Variants in RALYL observed in about 807,000 individuals in gnomAD.
RALYL encodes the protein RNA-binding Raly-like protein.
Under a neutral mutation model 35.1 loss-of-function variants are expected in RALYL, and 29 were observed. The observed-to-expected ratio is 0.83, with a 90% CI of 0.61 to 1.13. The LOEUF (loss-of-function observed/expected upper bound fraction) is 1.13. Ranked by LOEUF, RALYL falls within the 50% of genes most tolerant of loss-of-function variation. The pLI is 0.00. For missense variants in RALYL, 359 were observed against 360.4 expected (o/e 1.00, Z 0.03); for synonymous variants, 120 against 127.6 (o/e 0.94, Z 0.40).
intron 1 of RALYL, among the ~76,000 whole-genome samples, chr8:84,401,476 A>G (rs2042887818): frequency 6.6e-6 from 1 of 151,670 alleles, no homozygotes; most frequent in Non-Finnish European, 1.5e-5. Context: ...GTCTCTACTA[A>G]AAATACAAAA....
At chr8:84,673,235 A>G (rs1027810245) in intron 2 of RALYL, among the ~76,000 whole-genome samples, 5 of 152,168 alleles carry the variant, frequency 3.3e-5, no homozygotes, top group African/African-American at 4.8e-5. Flanking sequence ...TTTATTGTAA[A>G]TGTGTTTAAG....
At chr8:84,278,958 C>T (rs543550479) in intron 1 of RALYL, among the ~76,000 whole-genome samples, 1 of 152,304 alleles carries the variant, frequency 6.6e-6, no homozygotes, top group South Asian at 2.1e-4. Flanking sequence ...GCACCTCACT[C>T]CTGGTACCAA....
At chr8:84,547,806 T>C (rs114939691) in intron 2 of RALYL, among the ~76,000 whole-genome samples, 3 of 152,304 alleles carry the variant, frequency 2.0e-5, no homozygotes, top group African/African-American at 7.2e-5. Flanking sequence ...TTGATATCAT[T>C]TTTGAGAGTT....
At chr8:84,561,880 A>G (rs759532405) in intron 2 of RALYL, among the ~76,000 whole-genome samples, 2 of 152,024 alleles carry the variant, frequency 1.3e-5, no homozygotes, top group South Asian at 2.1e-4. Context: ...GAATTTTCCA[A>G]TTAAAATTTT....
intron 1 of RALYL, among the ~76,000 whole-genome samples, chr8:84,214,731 G>T (rs1437033116): frequency 6.6e-6 from 1 of 152,036 alleles, no homozygotes; most frequent in Admixed American, 6.6e-5. Flanking sequence ...TGTTACCAGT[G>T]TCTGTTACAG....
intron 1 of RALYL, among the ~76,000 whole-genome samples, chr8:84,438,222 T>C (rs1017156593): frequency 2.6e-5 from 4 of 152,148 alleles, no homozygotes; most frequent in African/African-American, 9.7e-5. Flanking sequence ...TTTACTCCGT[T>C]GATAATTTCT....
At chr8:84,225,647 C>T (rs1046301765) in intron 1 of RALYL, among the ~76,000 whole-genome samples, 81 of 152,274 alleles carry the variant, frequency 5.3e-4, no homozygotes, top group African/African-American at 1.8e-3. Flanking sequence ...TTTTTGATGT[C>T]TGAGATTTTA....
intron 2 of RALYL, among the ~76,000 whole-genome samples, chr8:84,762,002 A>T (rs1812824669): frequency 6.6e-6 from 1 of 152,070 alleles, no homozygotes; most frequent in Non-Finnish European, 1.5e-5. Flanking sequence ...GCCGTGCATT[A>T]TCTATGGAGA....
At chr8:84,509,722 A>AT (rs1391185606) in intron 1 of RALYL, among the ~76,000 whole-genome samples, 2 of 152,060 alleles carry the variant, frequency 1.3e-5, no homozygotes, top group African/African-American at 4.8e-5. Flanking sequence ...GTCTAGATTC[A>AT]TTTTTTGTAT....
chr8:84,517,827 G>A (rs144182022), intron 1 of RALYL, among the ~76,000 whole-genome samples: 1 of 152,072 alleles, frequency 6.6e-6, no homozygotes, highest in South Asian at 2.1e-4. Context: ...GCCAAATACT[G>A]TGCTTAGTAC....
chr8:84,572,891 A>C (rs553732586), intron 2 of RALYL, among the ~76,000 whole-genome samples: 56 of 151,586 alleles, frequency 3.7e-4, no homozygotes, highest in African/African-American at 1.3e-3. Flanking sequence ...CTTCTCAATA[A>C]TTATTTCCTA....
chr8:84,792,501 T>C (rs1451539127), intron 3 of RALYL, among the ~76,000 whole-genome samples: 1 of 152,172 alleles, frequency 6.6e-6, no homozygotes, highest in Non-Finnish European at 1.5e-5. Context: ...GGGTACAGGA[T>C]AGGGGGCGTT....
chr8:84,288,936 A>T (rs371282958), intron 1 of RALYL, among the ~76,000 whole-genome samples: 9 of 152,160 alleles, frequency 5.9e-5, no homozygotes, highest in Non-Finnish European at 5.9e-5. Flanking sequence ...GATTTTATTT[A>T]AAGCTATCAC....
chr8:84,666,543 A>G (rs1199847773), intron 2 of RALYL, among the ~76,000 whole-genome samples: 1 of 152,096 alleles, frequency 6.6e-6, no homozygotes, highest in Non-Finnish European at 1.5e-5. Context: ...ATTTGTGCCA[A>G]CTGAGGAGTT....
At chr8:84,269,386 T>C (rs1297896338) in intron 1 of RALYL, among the ~76,000 whole-genome samples, 2 of 152,224 alleles carry the variant, frequency 1.3e-5, no homozygotes, top group Non-Finnish European at 2.9e-5. Context: ...GCAGGTCTCC[T>C]ATTATGAATA....
intron 5 of RALYL, among the ~76,000 whole-genome samples, chr8:84,850,348 A>G (rs903959217): frequency 1.3e-5 from 2 of 152,330 alleles, no homozygotes; most frequent in African/African-American, 4.8e-5. Context: ...CTTCAAGATC[A>G]AGAGTTTGAA....
At chr8:84,772,349 A>G (rs1815751676) in intron 2 of RALYL, among the ~76,000 whole-genome samples, 1 of 152,064 alleles carries the variant, frequency 6.6e-6, no homozygotes, top group African/African-American at 2.4e-5. Flanking sequence ...GTTCTATTGT[A>G]CAAATTCAGA....
At chr8:84,651,059 T>C (rs1482338433) in intron 2 of RALYL, among the ~76,000 whole-genome samples, 1 of 151,716 alleles carries the variant, frequency 6.6e-6, no homozygotes, top group Admixed American at 6.6e-5. Flanking sequence ...CATCACACTC[T>C]GGGGACTGTT....
intron 1 of RALYL, among the ~76,000 whole-genome samples, chr8:84,419,061 A>G (rs1216511580): frequency 6.6e-6 from 1 of 152,154 alleles, no homozygotes; most frequent in East Asian, 1.9e-4. Flanking sequence ...CCAACTCCGT[A>G]TGTAAAAAAG....
Sources: allele counts gnomAD v4.1 joint callset (sites outside exome capture counted in the v4.1 genomes callset), GRCh38; gene constraint gnomAD v4.1.1; transcripts MANE v1.5; gene names NCBI Gene and HGNC (gene_info 2026-07-23, HGNC 2026-07-21).